The following PPP2R3A variants were observed in gnomAD, a reference collection of about 807,000 sequenced individuals.
PPP2R3A encodes protein phosphatase 2 regulatory subunit B''alpha, also known as serine/threonine-protein phosphatase 2A regulatory subunit B'' subunit alpha.
In PPP2R3A, 80 loss-of-function variants were observed where a neutral mutation model predicts 106.9. The observed-to-expected ratio is 0.75, with a 90% CI of 0.62 to 0.90. PPP2R3A has a LOEUF of 0.90. Among genes scored for constraint, PPP2R3A ranks in the 40% least tolerant of loss-of-function variants. PPP2R3A has a pLI of 0.00. For missense variants in PPP2R3A, 1,386 were observed against 1,350.4 expected, an observed-to-expected ratio of 1.03 and a Z score of -0.41; for synonymous variants, 483 against 468.3, an observed-to-expected ratio of 1.03 and a Z score of -0.41.
At chr3:136,014,163 T>C (rs985453869) in intron 2 of PPP2R3A, among the ~76,000 whole-genome samples, 1 of 152,216 alleles carries the variant, frequency 6.6e-6, no homozygotes, top group Non-Finnish European at 1.5e-5. Context: ...TATTTGGCTT[T>C]ATTTCTGGGT....
At chr3:136,065,765 A>G (rs1377749579) in intron 5 of PPP2R3A, among the ~76,000 whole-genome samples, 1 of 152,176 alleles carries the variant, frequency 6.6e-6, no homozygotes, top group Non-Finnish European at 1.5e-5. Flanking sequence ...AGCCTCAACT[A>G]TGTGGGCTCA....
At chr3:136,142,131 A>C (rs1938897604) in intron 13 of PPP2R3A, among the ~76,000 whole-genome samples, 1 of 152,220 alleles carries the variant, frequency 6.6e-6, no homozygotes, top group African/African-American at 2.4e-5. Flanking sequence ...GCCATGGGAA[A>C]GACTAAGCTT....
chr3:136,079,584 T>A (rs1936716250), intron 7 of PPP2R3A, among the ~76,000 whole-genome samples: 1 of 151,888 alleles, frequency 6.6e-6, no homozygotes, highest in African/African-American at 2.4e-5. Context: ...CATTTTTGTA[T>A]TTTTAGTAGA....
chr3:136,140,741 T>G (rs1576342591), intron 13 of PPP2R3A, among the ~76,000 whole-genome samples: 2 of 137,490 alleles, frequency 1.5e-5, no homozygotes, highest in African/African-American at 5.5e-5. Context: ...AGAACAAAAC[T>G]CAGTCTCAAA....
chr3:136,064,749 A>C (rs1936204802), intron 5 of PPP2R3A, among the ~76,000 whole-genome samples: 1 of 152,244 alleles, frequency 6.6e-6, no homozygotes, highest in African/African-American at 2.4e-5. Context: ...AAGACAGTTT[A>C]ACCTCAATGT....
Position 136,001,768 on chromosome 3 carries a change from C to T in PPP2R3A, c.270C>T (p.Ala90=), listed in dbSNP as rs760283527. Residue 90 remains alanine, a synonymous_variant, in exon 2 of 14, where the codon GCC becomes GCT. Coordinates refer to ENST00000264977, the MANE Select transcript of PPP2R3A (RefSeq NM_002718.5). ...CTGAAGGAGACTATCCCCAACAGGCCTTCACAGGCATACCCAGGGTCAAGA... is the reference window on the plus strand; with the variant it reads ...CTGAAGGAGACTATCCCCAACAGGCTTTCACAGGCATACCCAGGGTCAAGA... The part of the protein sequence containing the change: ...SSAEGDYPQQ[A]FTGIPRVKRG... 20 of 1,614,160 alleles carry T rather than the reference C, an allele frequency of 1.2e-5. No homozygotes were observed. Among genetic ancestry groups the T allele is most frequent in the Middle Eastern group, 1.6e-4 (1 of 6,062 alleles).
At chr3:136,031,494 C>T (rs1559878614) in intron 3 of PPP2R3A, among the ~76,000 whole-genome samples, 1 of 152,096 alleles carries the variant, frequency 6.6e-6, no homozygotes, top group Non-Finnish European at 1.5e-5. Flanking sequence ...CCATGCAAAA[C>T]CTCTTTATTT....
Position 136,090,687 on chromosome 3 carries a change from T to G in PPP2R3A, c.2927+20T>G. 1 of 1,589,574 alleles carries G rather than the reference T, an allele frequency of 6.3e-7. No individual in the cohort carries two copies. Among genetic ancestry groups the G allele is most frequent in the Non-Finnish European group, 8.6e-7 (1 of 1,158,886 alleles). On this transcript the variant is annotated intron_variant, in intron 10 of 13. Coordinates refer to ENST00000264977, the MANE Select transcript of PPP2R3A (RefSeq NM_002718.5). ...TACCAGGTATGATTTCTAAGTTTCC[T>G]TTGCCAAGATGTTAAACACATGCAC...
chr3:136,019,622 G>A (rs1934395438), intron 2 of PPP2R3A, among the ~76,000 whole-genome samples: 3 of 152,038 alleles, frequency 2.0e-5, no homozygotes, highest in South Asian at 4.1e-4. Context: ...AAACTAACTC[G>A]TGTTCTCAGA....
chr3:136,038,699 G>T (rs1402160601), intron 3 of PPP2R3A, among the ~76,000 whole-genome samples: 6 of 152,256 alleles, frequency 3.9e-5, no homozygotes, highest in Non-Finnish European at 8.8e-5. Context: ...GTTGCCACTA[G>T]CCCATCACTA....
chr3:136,132,576 A>C (rs1276032548), intron 13 of PPP2R3A, among the ~76,000 whole-genome samples: 1 of 151,918 alleles, frequency 6.6e-6, no homozygotes, highest in Non-Finnish European at 1.5e-5. Flanking sequence ...TAAAATAATA[A>C]TACTTGTACA....
intron 10 of PPP2R3A, among the ~76,000 whole-genome samples, chr3:136,098,233 T>C (rs1484473872): frequency 6.6e-6 from 1 of 152,214 alleles, no homozygotes; most frequent in Non-Finnish European, 1.5e-5. Flanking sequence ...AGAGTCTCAC[T>C]TGAGCCCAAG....
At chr3:136,022,795 C>T (rs1684347272) in intron 2 of PPP2R3A, 1 of 1,196,952 alleles carries the variant, frequency 8.4e-7, no homozygotes, top group African/African-American at 1.6e-5. Flanking sequence ...AAGCTACCAA[C>T]AAGGAGCAAC....
chr3:136,098,820 G>A (rs538565629), intron 10 of PPP2R3A, among the ~76,000 whole-genome samples: 1 of 152,240 alleles, frequency 6.6e-6, no homozygotes, highest in East Asian at 1.9e-4. Flanking sequence ...CTTGGAAGTG[G>A]GGGTGGGGTA....
At chr3:135,995,447 A>ATTTTTTT (rs60359404) in intron 1 of PPP2R3A, among the ~76,000 whole-genome samples, 12 of 87,320 alleles carry the variant, frequency 1.4e-4, no homozygotes, top group African/African-American at 1.8e-4. Context: ...ACGTTGACAG[A>ATTTTTTT]TTTTTTTTTT....
rs1244517182 is a variant in PPP2R3A, at chr3:136,136,065, AAAAAAAAATTATATATATAT to A, written c.3330-8976_3330-8957del. Among the ~76,000 whole-genome samples, 6 of 30,778 alleles carry A rather than the reference AAAAAAAAATTATATATATAT, an allele frequency of 1.9e-4. 1 individual carries two copies. Among genetic ancestry groups the A allele is most frequent in the East Asian group, 4.4e-3 (1 of 226 alleles). The allele number at this position is 30,778 out of a possible 152,430, so 20.2% of individuals were successfully genotyped here. On this transcript the variant is annotated intron_variant, in intron 13 of 13. Transcript: ENST00000264977. ...CGTCTCAAAAAAAAAAAAAAAAAAA[AAAAAAAAATTATATATATAT>A]ATATATATAAAAAACATCATGGTTA...
intron 13 of PPP2R3A, among the ~76,000 whole-genome samples, chr3:136,128,417 AAAG>A (rs1938269405): frequency 6.6e-6 from 1 of 152,154 alleles, no homozygotes; most frequent in African/African-American, 2.4e-5. Context: ...CAAAAGAGAC[AAAG>A]AAGGCCATTA....
chr3:136,092,883 G>A (rs946884172), intron 10 of PPP2R3A, among the ~76,000 whole-genome samples: 1 of 152,108 alleles, frequency 6.6e-6, no homozygotes. Context: ...TTCTTTTGGT[G>A]GCCAAAACTG....
At chr3:136,014,469 C>A (rs1934203875) in intron 2 of PPP2R3A, among the ~76,000 whole-genome samples, 1 of 152,080 alleles carries the variant, frequency 6.6e-6, no homozygotes, top group Admixed American at 6.6e-5. Flanking sequence ...GATATGTTTC[C>A]ATTTGTTTAT....
Sources: gnomAD v4.1 joint callset for allele counts (sites outside exome capture counted in the v4.1 genomes callset) on GRCh38, gnomAD v4.1.1 for gene constraint, MANE v1.5 for transcripts, NCBI Gene and HGNC (gene_info 2026-07-23, HGNC 2026-07-21) for gene names.